The following FAP variants were observed in gnomAD, a reference collection of about 807,000 sequenced individuals.
FAP encodes the protein fibroblast activation protein alpha, also known as prolyl endopeptidase FAP.
Under a neutral mutation model 126.5 loss-of-function variants are expected in FAP, and 110 were observed. The ratio of observed to expected loss-of-function variants is 0.87; its 90% CI spans 0.74 to 1.02. The LOEUF (loss-of-function observed/expected upper bound fraction) is 1.02, where lower values mean the gene tolerates loss of function less well. Among genes scored for constraint, FAP ranks in the 50% least tolerant of loss-of-function variants. The pLI, the probability that FAP is intolerant of heterozygous loss-of-function variation, is 0.00. For missense variants in FAP, 919 were observed against 909.2 expected (o/e 1.01, Z -0.14); for synonymous variants, 334 against 297.3 (o/e 1.12, Z -1.27).
At chr2:162,198,945 C>T (rs1688379586) in intron 15 of FAP, 64 bp from the exon 16 acceptor site, 9 of 1,445,870 alleles carry the variant, frequency 6.2e-6, no homozygotes, top group South Asian at 3.5e-5. Context: ...AAATGTACTA[C>T]TCCATGTAAA....
intron 2 of FAP, among the ~76,000 whole-genome samples, chr2:162,235,686 A>G (rs550931061): frequency 6.6e-6 from 1 of 152,312 alleles, no homozygotes; most frequent in Admixed American, 6.5e-5. Context: ...GTGGGGCCAG[A>G]TAAGAGAATA....
intron 21 of FAP, among the ~76,000 whole-genome samples, chr2:162,181,995 C>T (rs1438247093): frequency 6.6e-6 from 1 of 152,134 alleles, no homozygotes; most frequent in African/African-American, 2.4e-5. Context: ...TCTGAGTCGA[C>T]CTCACAGTCA....
chr2:162,195,879 G>A (rs1013488384), intron 16 of FAP, among the ~76,000 whole-genome samples: 2 of 152,142 alleles, frequency 1.3e-5, no homozygotes, highest in Non-Finnish European at 2.9e-5. Flanking sequence ...CAGATAGGGT[G>A]AGGATGCTAC....
chr2:162,234,099 C>A (rs4664050), intron 2 of FAP, among the ~76,000 whole-genome samples: 1 of 152,162 alleles, frequency 6.6e-6, no homozygotes, highest in African/African-American at 2.4e-5. Flanking sequence ...ACTGTCTTGA[C>A]TACGGAGCTT....
chr2:162,218,326 A>G (rs1000988311), intron 8 of FAP, among the ~76,000 whole-genome samples, 186 bp from the exon 9 acceptor site: 2 of 152,176 alleles, frequency 1.3e-5, no homozygotes, highest in Non-Finnish European at 2.9e-5. Context: ...CTTTCACTCT[A>G]TATCAAACAT....
intron 6 of FAP, among the ~76,000 whole-genome samples, chr2:162,222,102 T>A (rs544628412): frequency 6.6e-6 from 1 of 152,316 alleles, no homozygotes; most frequent in East Asian, 1.9e-4. Flanking sequence ...AACCCATGAT[T>A]AAAATATTAG....
chr2:162,192,583 C>T (rs1371541201), intron 17 of FAP, among the ~76,000 whole-genome samples: 1 of 152,090 alleles, frequency 6.6e-6, no homozygotes, highest in East Asian at 1.9e-4. Flanking sequence ...CTTCCAAGGC[C>T]TGAGTTACCA....
intron 20 of FAP, 48 bp downstream of exon 20, chr2:162,188,121 A>G: frequency 6.9e-7 from 1 of 1,452,776 alleles, no homozygotes; most frequent in South Asian, 1.2e-5. Context: ...TAGTGATTGC[A>G]TGACTTTTGT....
chr2:162,199,414 T>A (rs907782634), intron 15 of FAP, among the ~76,000 whole-genome samples: 1 of 152,198 alleles, frequency 6.6e-6, no homozygotes, highest in African/African-American at 2.4e-5. Flanking sequence ...TTTGGGCTCA[T>A]GGAAGCTCAG....
intron 16 of FAP, among the ~76,000 whole-genome samples, chr2:162,195,711 TCTA>T (rs1688229338): frequency 6.6e-6 from 1 of 152,142 alleles, no homozygotes; most frequent in Non-Finnish European, 1.5e-5. Flanking sequence ...TTTAGCAAGA[TCTA>T]CAAATAATTA....
intron 25 of FAP, 22 bp downstream of exon 25, chr2:162,172,789 T>C (rs201047594): frequency 1.2e-5 from 19 of 1,559,998 alleles, no homozygotes; most frequent in Non-Finnish European, 1.6e-5. Context: ...GCCATGAACA[T>C]GAGTAAAACA....
chr2:162,200,420 C>A, intron 15 of FAP, 146 bp downstream of exon 15: 1 of 521,722 alleles, frequency 1.9e-6, no homozygotes, highest in Non-Finnish European at 3.3e-6. Context: ...TTTTTTATAC[C>A]CATTCTCCAA....
rs1417643138 is a variant in FAP at position 162,218,040 on chromosome 2, A to C, written c.708T>G (p.Tyr236Ter). 6.2e-7 allele frequency: 1 copy of C among 1,606,516 alleles called. No individual in the cohort carries two copies. The highest frequency in any genetic ancestry group is 8.5e-7 in the Non-Finnish European group (1 of 1,175,728). The change falls in exon 9 of 26, where the codon TAT (tyrosine) becomes TAG (stop). Residue 236 changes from tyrosine to a stop codon, truncating the protein, a stop_gained. Transcript: ENST00000188790. LOFTEE classifies it high-confidence loss of function. ...FNDTDIPVIA[Y>*]SYYGDEQYPR... ...GATATTGTTCATCGCCATAATAGGA[A>C]TAGGCAATAACTGGTATATCCGTAT...
intron 17 of FAP, among the ~76,000 whole-genome samples, chr2:162,191,142 A>G (rs1460576673): frequency 6.6e-6 from 1 of 151,914 alleles, no homozygotes; most frequent in East Asian, 1.9e-4. Flanking sequence ...AGACTGGCTG[A>G]TTGATTGACT....
chr2:162,178,830 A>G (rs1267117772), intron 21 of FAP, among the ~76,000 whole-genome samples: 2 of 152,208 alleles, frequency 1.3e-5, no homozygotes, highest in African/African-American at 4.8e-5. Context: ...TTCTTCCCTA[A>G]TACAAAACGC....
intron 12 of FAP, among the ~76,000 whole-genome samples, chr2:162,206,367 T>G (rs1160593431): frequency 2.0e-5 from 3 of 152,226 alleles, no homozygotes; most frequent in Non-Finnish European, 4.4e-5. Context: ...CTATATGAAG[T>G]GCAAAGCCAT....
chr2:162,215,933 G>T lies in FAP; in HGVS notation c.831C>A (p.Pro277=), dbSNP rs369733945. The T allele has an allele frequency of 2.1e-5, 34 of 1,613,882 alleles. No homozygotes were observed. The highest frequency in any genetic ancestry group is 2.7e-5 in the Non-Finnish European group (32 of 1,179,948). The change falls in exon 10 of 26, where the codon CCC becomes CCA. Residue 277 remains proline (P), a synonymous_variant. Transcript: ENST00000188790. ...IDTTYPAYVG[P]QEVPVPAMIA... ...TCATTGCTGGAACAGGCACTTCCTG[G>T]GGACCTACATACGCAGGGTAAGTGG...
chr2:162,215,272 A>C (rs1399117196), intron 10 of FAP, among the ~76,000 whole-genome samples: 2 of 152,154 alleles, frequency 1.3e-5, no homozygotes, highest in African/African-American at 2.4e-5. Context: ...AACTGTTAAG[A>C]AAGCCCAACA....
At chr2:162,216,050 C>A (rs751169219) in intron 9 of FAP, 49 bp from the exon 10 acceptor site, 1 of 1,350,752 alleles carries the variant, frequency 7.4e-7, no homozygotes, top group Admixed American at 1.8e-5. Flanking sequence ...CAATTATCAC[C>A]AACATTTTAA....
Sources: allele counts gnomAD v4.1 joint callset (sites outside exome capture counted in the v4.1 genomes callset), GRCh38; gene constraint gnomAD v4.1.1; transcripts MANE v1.5; gene names NCBI Gene and HGNC (gene_info 2026-07-23, HGNC 2026-07-21).